The following PITRM1 variants were observed in gnomAD, a reference collection of about 807,000 sequenced individuals.
PITRM1 encodes the protein pitrilysin metallopeptidase 1, also known as presequence protease, mitochondrial.
Under a neutral mutation model 129.9 loss-of-function variants are expected in PITRM1, and 100 were observed. That is an observed-to-expected ratio of 0.77 (90% confidence interval 0.65 to 0.91). The LOEUF is 0.91. PITRM1 is among the 40% of genes least tolerant of loss of function. The pLI, the probability that PITRM1 is intolerant of heterozygous loss-of-function variation, is 0.00. For synonymous variants in PITRM1, 591 were observed against 508.8 expected (o/e 1.16, Z -2.17); for missense variants, 1,471 against 1,318.3 (o/e 1.12, Z -1.79).
chr10:3,145,490 C>G lies in PITRM1; in HGVS notation c.2457+106G>C, dbSNP rs113076328. The G allele has an allele frequency of 1.2e-3, 1,147 of 928,434 alleles. 11 individuals carry two copies. The African/African-American group carries it at 0.017, about 14-fold the overall frequency. The allele number at this position is 928,434 out of a possible 1,614,324, so 57.5% of individuals were successfully genotyped here. On this transcript the variant is annotated intron_variant, in intron 21 of 26. Coordinates refer to ENST00000224949, the MANE Select transcript of PITRM1 (RefSeq NM_014889.4). ...CATCTGCGTACGGGGGATATGAACC[C>G]CCACATGCTGGACTGCTCTGAGAAT... is the stretch of plus-strand genomic sequence containing the variant.
At position 3,166,326 on chromosome 10, in the gene PITRM1, C is replaced by T; in HGVS notation, c.321G>A (p.Glu107=). Residue 107 remains glutamate (E), a synonymous_variant, in exon 4 of 27, where the codon GAG becomes GAA. Transcript: ENST00000224949. ...MDSTGVPHIL[E]HTVLCGSQKY... is the part of the protein sequence containing the mutation. The stretch of plus-strand genomic sequence containing the variant: ...TCTGAGACCCACAAAGGACGGTATG[C>T]TCAAGAATGTGAGGAACACCAGTAC... 6.2e-7 allele frequency: 1 copy of T among 1,612,860 alleles called. No homozygotes were observed. The highest frequency in any genetic ancestry group is 8.5e-7 in the Non-Finnish European group (1 of 1,178,900).
intron 7 of PITRM1, among the ~76,000 whole-genome samples, chr10:3,160,918 G>A (rs1412436117): frequency 2.6e-5 from 4 of 152,180 alleles, no homozygotes; most frequent in African/African-American, 9.7e-5. Flanking sequence ...CCACCACCAT[G>A]CCCAGCTAAT....
At position 3,172,750 on chromosome 10, in the gene PITRM1, T is replaced by A. The variant is rs11818724; in HGVS notation, c.23A>T (p.Gln8Leu). The A allele has an allele frequency of 7.8e-6, 12 of 1,545,284 alleles. No homozygotes were observed. The highest frequency in any genetic ancestry group is 9.6e-6 in the Non-Finnish European group (11 of 1,144,996). MWRCGGR[Q>L]GLCVLRRLSG... is the part of the protein sequence containing the mutation. ...CAGCCGCCTCAGCACACACAGGCCC[T>A]GCCGCCCGCCGCAGCGCCACATTGC... is the stretch of plus-strand genomic sequence containing the variant. Residue 8 changes from glutamine (Q) to leucine (L), a missense_variant, in exon 1 of 27, where the codon CAG becomes CTG. Gln to Leu is a moderately radical substitution (Grantham distance 113, BLOSUM62 -2). Coordinates refer to ENST00000224949, the MANE Select transcript of PITRM1 (RefSeq NM_014889.4).
chr10:3,155,278 C>A (rs1841879981), intron 14 of PITRM1, among the ~76,000 whole-genome samples: 1 of 152,222 alleles, frequency 6.6e-6, no homozygotes, highest in African/African-American at 2.4e-5. Flanking sequence ...TGCTCACAGG[C>A]CAGGCAACAC....
rs1329893026 is a variant in PITRM1, at chr10:3,163,815, A to C, written c.701T>G (p.Val234Gly). 3 of 1,612,574 alleles carry C rather than the reference A, an allele frequency of 1.9e-6. No individual in the cohort carries two copies. Among genetic ancestry groups the C allele is most frequent in the Non-Finnish European group, 2.5e-6 (3 of 1,178,822 alleles). ...GATGCACAGTGGGTCACCCCCGGAG[A>C]CCACTGAGTACGTGTGGTCAGGAAG... ...RLLPDHTYSV[V>G]SGGDPLCIPE... Residue 234 changes from valine to glycine, a missense_variant, in exon 7 of 27, where the codon GTC becomes GGC. By Grantham distance (109) the Val-to-Gly change is moderately radical. Transcript: ENST00000224949.
chr10:3,168,962 A>G (rs1843117614), intron 2 of PITRM1, among the ~76,000 whole-genome samples: 1 of 100,904 alleles, frequency 9.9e-6, no homozygotes, highest in Admixed American at 9.9e-5. Context: ...ACACACACAC[A>G]CACAATTAGC....
intron 1 of PITRM1, chr10:3,172,073 T>C (rs1174248955): frequency 2.6e-6 from 1 of 382,128 alleles, no homozygotes; most frequent in Non-Finnish European, 5.2e-6. Context: ...TTTTAAGAAG[T>C]TACTTATCAA....
chr10:3,156,143 A>G (rs1841967078), intron 13 of PITRM1, among the ~76,000 whole-genome samples: 1 of 152,250 alleles, frequency 6.6e-6, no homozygotes, highest in African/African-American at 2.4e-5. Flanking sequence ...TCTACTATTA[A>G]GCTCTAAAAG....
chr10:3,155,059 C>T (rs564917566), intron 14 of PITRM1, among the ~76,000 whole-genome samples: 7 of 152,322 alleles, frequency 4.6e-5, no homozygotes, highest in Non-Finnish European at 7.3e-5. Flanking sequence ...CACCCGTGTG[C>T]TCCCCATCTT....
At chr10:3,147,273 A>T in intron 19 of PITRM1, 23 bp from the exon 20 acceptor site, 1 of 1,504,660 alleles carries the variant, frequency 6.6e-7, no homozygotes, top group Non-Finnish European at 9.2e-7. Flanking sequence ...AAACTCGCTC[A>T]GAGAGAGGCA....
At chr10:3,159,793 AG>A in intron 9 of PITRM1, 54 bp downstream of exon 9, 1 of 1,040,952 alleles carries the variant, frequency 9.6e-7, no homozygotes, top group Non-Finnish European at 1.5e-6. Context: ...ACCTTCTAAT[AG>A]GAACATTTTC....
chr10:3,143,405 C>G lies in PITRM1; in HGVS notation c.2629G>C (p.Asp877His), dbSNP rs1471303294. The change falls in exon 23 of 27, where the codon GAC becomes CAC. Residue 877 changes from aspartate (D) to histidine (H), a missense_variant. Coordinates refer to ENST00000224949, the MANE Select transcript of PITRM1 (RefSeq NM_014889.4). The part of the protein sequence containing the change: ...GECIRTVPYT[D>H]PDHASLKILA... ...CCCTCCTACCTGGCATGATCTGGGT[C>G]CGTGTAGGGGACAGTTCGGATGCAT... The G allele has an allele frequency of 6.2e-7, 1 of 1,610,316 alleles. No homozygotes were observed. Among genetic ancestry groups the G allele is most frequent in the East Asian group, 2.2e-5 (1 of 44,874 alleles).
intron 1 of PITRM1, among the ~76,000 whole-genome samples, chr10:3,170,668 G>C (rs923671703): frequency 3.3e-5 from 5 of 152,194 alleles, no homozygotes; most frequent in Non-Finnish European, 5.9e-5. Context: ...GTACAAAGTG[G>C]AATAACTTTG....
At chr10:3,138,658 G>A (rs908026200) in intron 25 of PITRM1, 23 of 626,470 alleles carry the variant, frequency 3.7e-5, no homozygotes, top group Middle Eastern at 8.5e-4. Flanking sequence ...CCACCCTAAA[G>A]AGCCCGGACA....
chr10:3,165,194 G>C (rs1162332718), intron 6 of PITRM1, 44 bp downstream of exon 6: 6 of 1,315,792 alleles, frequency 4.6e-6, no homozygotes, highest in Non-Finnish European at 6.3e-6. Flanking sequence ...ATTGTACATG[G>C]GAAAGGTAAG....
At chr10:3,156,269 TAAA>T (rs747633393) in intron 13 of PITRM1, among the ~76,000 whole-genome samples, 29 of 152,194 alleles carry the variant, frequency 1.9e-4, no homozygotes, top group Non-Finnish European at 4.3e-4. Flanking sequence ...TTTCAACAAT[TAAA>T]AAACTACACA....
In PITRM1 at chr10:3,138,121, G is replaced by A. The variant is rs371398920; in HGVS notation, c.3024C>T (p.Tyr1008=). The A allele has an allele frequency of 6.2e-7, 1 of 1,607,864 alleles. No homozygotes were observed. Among genetic ancestry groups the A allele is most frequent in the African/African-American group, 1.3e-5 (1 of 74,904 alleles). The change falls in exon 27 of 27, where the codon TAC becomes TAT. Residue 1008 remains tyrosine (Y), a synonymous_variant. Coordinates refer to ENST00000224949, the MANE Select transcript of PITRM1 (RefSeq NM_014889.4). ...CGTGTGTGCTCTTCCCAGTGCCGAG[G>A]TATCTGAGAGGAAGGCAGGCGTGGT... ...HDKLLAVSDR[Y]LGTGKSTHGL...
In PITRM1 at chr10:3,140,685, A is replaced by G; in HGVS notation, c.2771+2T>C. On this transcript the variant is annotated splice_donor_variant, in intron 24 of 26. Transcript: ENST00000224949. LOFTEE classifies it high-confidence loss of function. Reference sequence around the variant, plus strand: ...CAATGTGTGAACTAGAGCAAAACTCACCTGTAAGAGTAAAGGGTGAAAATC... The same window carrying G: ...CAATGTGTGAACTAGAGCAAAACTCGCCTGTAAGAGTAAAGGGTGAAAATC... The G allele has an allele frequency of 6.3e-7, 1 of 1,597,344 alleles. No homozygotes were observed. Among genetic ancestry groups the G allele is most frequent in the Non-Finnish European group, 8.5e-7 (1 of 1,171,256 alleles).
rs191488239 is a variant in PITRM1, at chr10:3,162,446, T to C, written c.791+1279A>G. Among the ~76,000 whole-genome samples the C allele has an allele frequency of 3.1e-3, 466 of 152,302 alleles. 3 individuals are homozygous for C. The highest frequency in any genetic ancestry group is 5.5e-3 in the Non-Finnish European group (375 of 68,026). On this transcript the variant is annotated intron_variant, in intron 7 of 26. Transcript: ENST00000224949. Reference sequence around the variant, plus strand: ...AATGAATATGAAAACCATTAATAGGTTGATGAGGAACTCATTATCACAGGA... The same window carrying C: ...AATGAATATGAAAACCATTAATAGGCTGATGAGGAACTCATTATCACAGGA...
Sources: allele counts gnomAD v4.1 joint callset (sites outside exome capture counted in the v4.1 genomes callset), GRCh38; gene constraint gnomAD v4.1.1; transcripts MANE v1.5; gene names NCBI Gene and HGNC (gene_info 2026-07-23, HGNC 2026-07-21).